LPP: variants seen among roughly 807,000 people sequenced by gnomAD.
The protein encoded by LPP is LIM domain containing preferred translocation partner in lipoma.
A neutral mutation model predicts 60.4 loss-of-function variants in LPP; 38 were observed. The ratio of observed to expected loss-of-function variants is 0.63; its 90% CI spans 0.49 to 0.83. The LOEUF (loss-of-function observed/expected upper bound fraction) is 0.83, where lower values mean the gene tolerates loss of function less well. Ranked by LOEUF, LPP falls within the 40% of genes least tolerant of loss-of-function variation. The pLI, the probability that LPP is intolerant of heterozygous loss-of-function variation, is 0.00. For synonymous variants in LPP, 328 were observed against 290.8 expected, an observed-to-expected ratio of 1.13 and a Z score of -1.30; for missense variants, 902 against 783.6, an observed-to-expected ratio of 1.15 and a Z score of -1.80.
At chr3:188,221,902 T>A (rs966285785) in intron 1 of LPP, among the ~76,000 whole-genome samples, 2 of 152,206 alleles carry the variant, frequency 1.3e-5, no homozygotes, top group African/African-American at 4.8e-5. Flanking sequence ...ATATTATAGT[T>A]GTAATTATAA....
chr3:188,865,347 C>T (rs1229302019), intron 9 of LPP, among the ~76,000 whole-genome samples: 1 of 152,130 alleles, frequency 6.6e-6, no homozygotes, highest in Non-Finnish European at 1.5e-5. Flanking sequence ...AAACCAGCTC[C>T]CTTCTACATT....
chr3:188,340,901 G>T (rs2150654398), intron 2 of LPP, among the ~76,000 whole-genome samples: 1 of 152,246 alleles, frequency 6.6e-6, no homozygotes, highest in African/African-American at 2.4e-5. Flanking sequence ...GGGAAGAAAT[G>T]TTATCACTGC....
chr3:188,537,112 T>A (rs1336058928), intron 6 of LPP, among the ~76,000 whole-genome samples: 1 of 152,208 alleles, frequency 6.6e-6, no homozygotes, highest in Non-Finnish European at 1.5e-5. Flanking sequence ...TCTCCCATCA[T>A]CTAGTCTAGC....
At chr3:188,260,010 A>T (rs9866434) in intron 2 of LPP, among the ~76,000 whole-genome samples, 88,124 of 151,644 alleles carry the variant, frequency 0.58, 25,866 homozygotes, top group Middle Eastern at 0.64. Flanking sequence ...AAAAATCAAC[A>T]CTATCACTTT....
At chr3:188,728,080 T>A (rs143113278) in intron 8 of LPP, among the ~76,000 whole-genome samples, 1 of 152,192 alleles carries the variant, frequency 6.6e-6, no homozygotes, top group East Asian at 1.9e-4. Flanking sequence ...CTGGGGGAGC[T>A]TTATCACATT....
chr3:188,834,224 G>A (rs575077532), intron 9 of LPP, among the ~76,000 whole-genome samples: 22 of 152,016 alleles, frequency 1.4e-4, no homozygotes, highest in Non-Finnish European at 2.9e-4. Flanking sequence ...ATCAAGTGGC[G>A]GGAACATATA....
intron 9 of LPP, among the ~76,000 whole-genome samples, chr3:188,862,727 ATAAATAAAT>A (rs1560308381): frequency 1.2e-3 from 101 of 85,478 alleles, no homozygotes; most frequent in East Asian, 3.4e-3. Flanking sequence ...AAATAAATAA[ATAAATAAAT>A]AAAAGAAAAA....
chr3:188,635,112 A>G (rs772995033), intron 7 of LPP, among the ~76,000 whole-genome samples: 1 of 152,152 alleles, frequency 6.6e-6, no homozygotes, highest in Admixed American at 6.5e-5. Flanking sequence ...TGCAAACTTT[A>G]TGGGCTCCAT....
chr3:188,495,201 A>C (rs1809831301), intron 5 of LPP, among the ~76,000 whole-genome samples: 1 of 141,232 alleles, frequency 7.1e-6, no homozygotes, highest in Non-Finnish European at 1.5e-5. Context: ...ATATTTATAA[A>C]TATATATATA....
chr3:188,753,903 T>G (rs1729136001), intron 8 of LPP, among the ~76,000 whole-genome samples: 1 of 152,210 alleles, frequency 6.6e-6, no homozygotes, highest in East Asian at 1.9e-4. Context: ...GAATCAGATA[T>G]ACACAAGCAC....
At chr3:188,486,878 A>T (rs993084817) in intron 5 of LPP, among the ~76,000 whole-genome samples, 6 of 152,036 alleles carry the variant, frequency 3.9e-5, no homozygotes, top group Admixed American at 3.9e-4. Flanking sequence ...AATATGAGTG[A>T]TTTTTCTTAA....
rs1769388634 is a variant in LPP at position 188,877,510 on chromosome 3, A to C, written c.*3031A>C. The C allele has an allele frequency of 5.3e-6, 1 of 187,164 alleles. No homozygotes were observed. The highest frequency in any genetic ancestry group is 2.0e-4 in the South Asian group (1 of 5,118). 11.6% of individuals were successfully genotyped at this position (187,164 alleles called of 1,614,324 possible). Reference sequence around the variant, plus strand: ...ATTTTTCAACCCCCAGACCATACTGACTCAACATGGAGTCTCACTGGCCAA... The same window carrying C: ...ATTTTTCAACCCCCAGACCATACTGCCTCAACATGGAGTCTCACTGGCCAA... On this transcript the variant is annotated 3_prime_UTR_variant, in exon 12 of 12. Transcript: ENST00000617246.
intron 6 of LPP, among the ~76,000 whole-genome samples, chr3:188,600,475 A>T (rs1840916851): frequency 6.6e-6 from 1 of 151,644 alleles, no homozygotes; most frequent in South Asian, 2.1e-4. Context: ...AACAGGTATA[A>T]AACAATATTT....
At chr3:188,366,209 A>G (rs1016126188) in intron 3 of LPP, among the ~76,000 whole-genome samples, 2 of 152,226 alleles carry the variant, frequency 1.3e-5, no homozygotes, top group African/African-American at 4.8e-5. Context: ...CGTAAATGAC[A>G]GGATTTCCTT....
At chr3:188,361,966 T>C (rs1769562896) in intron 3 of LPP, among the ~76,000 whole-genome samples, 1 of 152,134 alleles carries the variant, frequency 6.6e-6, no homozygotes, top group Admixed American at 6.5e-5. Flanking sequence ...TAAATGTACT[T>C]CCTTTCCTCC....
intron 7 of LPP, among the ~76,000 whole-genome samples, chr3:188,669,863 T>C (rs1231288594): frequency 6.6e-6 from 1 of 152,164 alleles, no homozygotes; most frequent in Non-Finnish European, 1.5e-5. Context: ...CAAATGTCCA[T>C]CAATGATAGA....
At chr3:188,411,185 C>T (rs1784805556) in intron 4 of LPP, among the ~76,000 whole-genome samples, 1 of 152,006 alleles carries the variant, frequency 6.6e-6, no homozygotes, top group Non-Finnish European at 1.5e-5. Flanking sequence ...GCTCAACTCA[C>T]TGTCCGGGAA....
At position 188,881,364 on chromosome 3, in the gene LPP, A is replaced by G. The variant is rs1451580574; in HGVS notation, c.*6885A>G. The G allele has an allele frequency of 5.0e-6, 1 of 199,518 alleles. No individual in the cohort carries two copies. The highest frequency in any genetic ancestry group is 1.0e-5 in the Non-Finnish European group (1 of 96,206). 12.4% of individuals were successfully genotyped at this position (199,518 alleles called of 1,614,324 possible). ...CAACTCATTCAGCTTTTCTTCACTT[A>G]TTGACATAGTGTCATGTCCTATCAC... On this transcript the variant is annotated 3_prime_UTR_variant, in exon 12 of 12. Transcript: ENST00000617246.
At chr3:188,452,117 AGTTT>A (rs1387864751) in intron 4 of LPP, among the ~76,000 whole-genome samples, 2 of 152,154 alleles carry the variant, frequency 1.3e-5, no homozygotes, top group African/African-American at 4.8e-5. Flanking sequence ...AAGGTGCTAC[AGTTT>A]GTTTGACACC....
Sources: allele counts gnomAD v4.1 joint callset (sites outside exome capture counted in the v4.1 genomes callset), GRCh38; gene constraint gnomAD v4.1.1; transcripts MANE v1.5; gene names NCBI Gene and HGNC (gene_info 2026-07-23, HGNC 2026-07-21).